The following CDH3 variants were observed in gnomAD, a reference collection of about 807,000 sequenced individuals.
CDH3 encodes cadherin-3.
In CDH3, 54 loss-of-function variants were observed where a neutral mutation model predicts 82.0. The observed-to-expected ratio is 0.66, with a 90% CI of 0.53 to 0.83. The LOEUF (loss-of-function observed/expected upper bound fraction) is 0.83, where lower values mean the gene tolerates loss of function less well. Ranked by LOEUF, CDH3 falls within the 40% of genes least tolerant of loss-of-function variation. The pLI, the probability that CDH3 is intolerant of heterozygous loss-of-function variation, is 0.00. For synonymous variants in CDH3, 446 were observed against 437.9 expected, an observed-to-expected ratio of 1.02 and a Z score of -0.23; for missense variants, 1,054 against 1,084.6, an observed-to-expected ratio of 0.97 and a Z score of 0.40.
intron 13 of CDH3, among the ~76,000 whole-genome samples, chr16:68,692,217 T>C (rs1357584013): frequency 6.6e-6 from 1 of 152,100 alleles, no homozygotes; most frequent in African/African-American, 2.4e-5. Flanking sequence ...TTGTATTTTT[T>C]GTAAAAATGG....
intron 2 of CDH3, among the ~76,000 whole-genome samples, chr16:68,648,889 A>G (rs1960158929): frequency 7.7e-6 from 1 of 129,118 alleles, no homozygotes; most frequent in Non-Finnish European, 1.6e-5. Context: ...TTTTAATTGT[A>G]GGATTTTCCA....
At position 68,684,568 on chromosome 16, in the gene CDH3, C is replaced by T. The variant is rs764827108; in HGVS notation, c.1183-15C>T. 1.2e-6 allele frequency: 2 copies of T among 1,614,126 alleles called. No individual in the cohort carries two copies. The highest frequency in any genetic ancestry group is 8.5e-7 in the Non-Finnish European group (1 of 1,180,010). ...CAAAATGGTGGTCCAGGTCCTTCTT[C>T]CTCTTCTCTCCTAGGGTTTGGATTT... On this transcript the variant is annotated splice_polypyrimidine_tract_variant and intron_variant, in intron 9 of 15. Coordinates refer to ENST00000264012, the MANE Select transcript of CDH3 (RefSeq NM_001793.6).
At chr16:68,709,174 C>T (rs1435847137) in intron 1 of CDH3, among the ~76,000 whole-genome samples, 1 of 152,114 alleles carries the variant, frequency 6.6e-6, no homozygotes, top group Non-Finnish European at 1.5e-5. Context: ...CTCCTGGATT[C>T]AAGCAATCCT....
Position 68,658,020 on chromosome 16 carries a change from G to A in CDH3, c.160+12270G>A, listed in dbSNP as rs544174846. The stretch of plus-strand genomic sequence containing the variant: ...CTAAGAAGTCTCCTCCTTCAAATTT[G>A]GGGACCACAGGTATTCCCCATATCT... On this transcript the variant is annotated intron_variant, in intron 2 of 15. Coordinates refer to ENST00000264012, the MANE Select transcript of CDH3 (RefSeq NM_001793.6). Among the ~76,000 whole-genome samples the A allele has an allele frequency of 2.3e-4, 35 of 151,440 alleles. No homozygotes were observed. The South Asian group carries it at 7.1e-3, about 31-fold the overall frequency.
chr16:68,666,608 C>T (rs903967515), intron 2 of CDH3, among the ~76,000 whole-genome samples: 7 of 152,142 alleles, frequency 4.6e-5, no homozygotes, highest in African/African-American at 1.7e-4. Flanking sequence ...TTTTCTTGTG[C>T]GTGGAAAATA....
At chr16:68,721,155 T>C (rs1962159118) in intron 1 of CDH3, among the ~76,000 whole-genome samples, 1 of 151,968 alleles carries the variant, frequency 6.6e-6, no homozygotes, top group South Asian at 2.1e-4. Flanking sequence ...TCATGTGACA[T>C]TCCTGGAGAC....
At chr16:68,704,459 C>T (rs1038601392), downstream of CDH3, among the ~76,000 whole-genome samples, 30 of 152,198 alleles carry the variant, frequency 2.0e-4, no homozygotes, top group Non-Finnish European at 4.0e-4. Flanking sequence ...GATTCCCCAA[C>T]CTGCAGGGAG....
chr16:68,686,568 G>A (rs1414138474), intron 11 of CDH3: 1 of 1,237,048 alleles, frequency 8.1e-7, no homozygotes, highest in Non-Finnish European at 1.2e-6. Context: ...CAACCAGTTA[G>A]CGTGAAAGTT....
rs947298768 is a variant in CDH3, at chr16:68,711,085, C to T, written c.100-11340C>T. Reference sequence around the variant, plus strand: ...CAGCACTTTGGGAGGCCAAGGTGGACGGATCCACTGAGGTCGGGAGTTTGA... The same window carrying T: ...CAGCACTTTGGGAGGCCAAGGTGGATGGATCCACTGAGGTCGGGAGTTTGA... On this transcript the variant is annotated intron_variant, in intron 1 of 2. Coordinates refer to the CDH3 transcript ENST00000569080. Among the ~76,000 whole-genome samples, 22 of 151,080 alleles carry T rather than the reference C, an allele frequency of 1.5e-4. No homozygotes were observed. In the East Asian group the frequency reaches 3.0e-3, roughly 20 times the overall value.
downstream of CDH3, among the ~76,000 whole-genome samples, chr16:68,731,051 T>TAC (rs1164666393): frequency 3.1e-3 from 72 of 23,172 alleles, 1 homozygote; most frequent in African/African-American, 7.2e-3. Context: ...AAAAAAAATA[T>TAC]ATATATATAT....
intron 2 of CDH3, among the ~76,000 whole-genome samples, chr16:68,670,348 G>A (rs1203576821): frequency 6.6e-6 from 1 of 151,602 alleles, no homozygotes; most frequent in Non-Finnish European, 1.5e-5. Context: ...CAAGCTGTTC[G>A]ACCTTTGGCT....
Position 68,645,365 on chromosome 16 carries a change from CCTCT to C in CDH3, c.-10_-7del. ...CCGCCGTCGCGGCAGCTGCTTCACC[CCTCT>C]CTCTGCAGCCATGGGGCTCCCTCGT... On this transcript the variant is annotated 5_prime_UTR_variant, in exon 1 of 16. Coordinates refer to ENST00000264012, the MANE Select transcript of CDH3 (RefSeq NM_001793.6). The C allele has an allele frequency of 3.7e-6, 6 of 1,612,720 alleles. No homozygotes were observed. In the East Asian group the frequency reaches 1.3e-4, roughly 36 times the overall value.
At chr16:68,666,834 G>T (rs1287304661) in intron 2 of CDH3, among the ~76,000 whole-genome samples, 3 of 152,080 alleles carry the variant, frequency 2.0e-5, no homozygotes, top group African/African-American at 7.2e-5. Context: ...TGTAGATTAG[G>T]CATTTGGGTG....
chr16:68,724,150 G>A (rs144492183), intron 2 of CDH3, among the ~76,000 whole-genome samples: 17 of 151,516 alleles, frequency 1.1e-4, no homozygotes, highest in East Asian at 1.9e-4. Flanking sequence ...CAGGAGAATC[G>A]CTTGAACCTA....
In CDH3 at chr16:68,678,896, A is replaced by G; in HGVS notation, c.681A>G (p.Gly227=). 1 of 1,613,722 alleles carries G rather than the reference A, an allele frequency of 6.2e-7. No homozygotes were observed. Among genetic ancestry groups the G allele is most frequent in the Non-Finnish European group, 8.5e-7 (1 of 1,179,986 alleles). Residue 227 remains glycine, a synonymous_variant, in exon 6 of 16, where the codon GGA becomes GGG. Coordinates refer to ENST00000264012, the MANE Select transcript of CDH3 (RefSeq NM_001793.6). ...QDTFRGSVLE[G]VLPGTSVMQV... Reference sequence around the variant, plus strand: ...CCTTCCGAGGGAGTGTCTTAGAGGGAGTCCTACCAGGTAAGAGGACTGGGA... The same window carrying G: ...CCTTCCGAGGGAGTGTCTTAGAGGGGGTCCTACCAGGTAAGAGGACTGGGA...
At position 68,685,283 on chromosome 16, in the gene CDH3, C is replaced by G. The variant is rs757480854; in HGVS notation, c.1503C>G (p.Leu501=). 6.8e-6 allele frequency: 11 copies of G among 1,613,998 alleles called. No homozygotes were observed. The Admixed American group carries it at 1.8e-4, about 27-fold the overall frequency. ...GGCAGGTCACAGCTGTGGGCACCCTCGACCGTGAGGATGAGCAGTTTGTGA... is the reference window on the plus strand; with the variant it reads ...GGCAGGTCACAGCTGTGGGCACCCTGGACCGTGAGGATGAGCAGTTTGTGA... ...DSGQVTAVGT[L]DREDEQFVRN... Residue 501 remains leucine, a synonymous_variant, in exon 11 of 16, where the codon CTC becomes CTG. Transcript: ENST00000264012.
At chr16:68,700,546 G>A (rs1961877493), downstream of CDH3, among the ~76,000 whole-genome samples, 1 of 152,214 alleles carries the variant, frequency 6.6e-6, no homozygotes. Flanking sequence ...GCTCACGCCT[G>A]TAATTCCAAC....
chr16:68,689,255 C>T (rs890171895), intron 12 of CDH3, among the ~76,000 whole-genome samples: 1 of 152,094 alleles, frequency 6.6e-6, no homozygotes, highest in Admixed American at 6.6e-5. Flanking sequence ...CCCATTTAGC[C>T]GGGCAAGGTG....
intron 1 of CDH3, among the ~76,000 whole-genome samples, chr16:68,709,015 G>C (rs1009681967): frequency 6.6e-6 from 1 of 152,106 alleles, no homozygotes; most frequent in Non-Finnish European, 1.5e-5. Flanking sequence ...CTGAACTCAG[G>C]TGATCTGCCC....
Sources: allele counts gnomAD v4.1 joint callset (sites outside exome capture counted in the v4.1 genomes callset), GRCh38; gene constraint gnomAD v4.1.1; transcripts MANE v1.5; gene names NCBI Gene and HGNC (gene_info 2026-07-23, HGNC 2026-07-21).